Variants in FAM13A observed in about 807,000 individuals in gnomAD.
The protein encoded by FAM13A is family with sequence similarity 13 member A, also known as protein FAM13A.
A neutral mutation model predicts 129.6 loss-of-function variants in FAM13A; 76 were observed. The observed-to-expected ratio is 0.59, with a 90% CI of 0.49 to 0.71. The LOEUF is 0.71. Ranked by LOEUF, FAM13A falls within the 30% of genes least tolerant of loss-of-function variation. The pLI, the probability that FAM13A is intolerant of heterozygous loss-of-function variation, is 0.00. For missense variants in FAM13A, 1,108 were observed against 1,249.3 expected (o/e 0.89, Z 1.70); for synonymous variants, 443 against 449.9 (o/e 0.98, Z 0.20).
chr4:88,733,282 A>G (rs1738260170), intron 21 of FAM13A, among the ~76,000 whole-genome samples: 1 of 152,182 alleles, frequency 6.6e-6, no homozygotes, highest in African/African-American at 2.4e-5. Flanking sequence ...GCAACCAAAC[A>G]AAGCAAAACA....
rs1032952606 is a variant in FAM13A at position 89,045,543 on chromosome 4, C to T, written c.27+11395G>A. 1.9e-4 allele frequency among the ~76,000 whole-genome samples: 29 copies of T among 152,204 alleles called. 1 individual carries two copies. Among genetic ancestry groups the T allele is most frequent in the Admixed American group, 1.2e-3 (18 of 15,290 alleles). On this transcript the variant is annotated intron_variant, in intron 1 of 23. Transcript: ENST00000264344. ...ACATATTGAAAGGCACATCACAACCCGGAACAGTCCACACAAAGATATATT... is the reference window on the plus strand; with the variant it reads ...ACATATTGAAAGGCACATCACAACCTGGAACAGTCCACACAAAGATATATT...
intron 6 of FAM13A, among the ~76,000 whole-genome samples, chr4:88,890,914 T>A (rs1407982249): frequency 6.6e-6 from 1 of 152,100 alleles, no homozygotes; most frequent in Non-Finnish European, 1.5e-5. Flanking sequence ...CTAGAACACT[T>A]ATCAAAACAA....
intron 2 of FAM13A, among the ~76,000 whole-genome samples, chr4:89,025,250 T>G (rs1023006190): frequency 1.8e-4 from 10 of 56,752 alleles, no homozygotes; most frequent in African/African-American, 8.9e-4. Flanking sequence ...TCATTGTTTT[T>G]TTTTTTTTTT....
At chr4:88,858,288 A>G (rs1216139343) in intron 6 of FAM13A, among the ~76,000 whole-genome samples, 1 of 152,208 alleles carries the variant, frequency 6.6e-6, no homozygotes, top group Non-Finnish European at 1.5e-5. Flanking sequence ...TTACAAAGTT[A>G]TTTGCTCAAT....
chr4:88,890,968 T>C (rs978459368), intron 6 of FAM13A, among the ~76,000 whole-genome samples: 1 of 152,128 alleles, frequency 6.6e-6, no homozygotes, highest in African/African-American at 2.4e-5. Flanking sequence ...ATAAAAGAAA[T>C]TGATTATTAA....
At chr4:88,958,067 A>AG (rs199934967) in intron 4 of FAM13A, among the ~76,000 whole-genome samples, 1 of 151,578 alleles carries the variant, frequency 6.6e-6, no homozygotes, top group African/African-American at 2.4e-5. Flanking sequence ...CAAGCGTCAG[A>AG]GGGAAAAAAA....
At chr4:88,873,947 A>C (rs1461366700) in intron 6 of FAM13A, among the ~76,000 whole-genome samples, 1 of 152,224 alleles carries the variant, frequency 6.6e-6, no homozygotes, top group Non-Finnish European at 1.5e-5. Flanking sequence ...CACCAAGATC[A>C]AGTTGGCTTC....
At chr4:88,994,173 G>A (rs182498141) in intron 3 of FAM13A, among the ~76,000 whole-genome samples, 19 of 152,224 alleles carry the variant, frequency 1.2e-4, no homozygotes, top group South Asian at 6.2e-4. Context: ...GGATGTGAGC[G>A]TCCTCTACAT....
chr4:88,968,836 T>C (rs1759697035), intron 4 of FAM13A, among the ~76,000 whole-genome samples: 1 of 152,186 alleles, frequency 6.6e-6, no homozygotes, highest in African/African-American at 2.4e-5. Flanking sequence ...TCTCAAACTA[T>C]TATTCATTTT....
At chr4:89,006,987 G>A (rs1306466644) in intron 3 of FAM13A, among the ~76,000 whole-genome samples, 2 of 152,120 alleles carry the variant, frequency 1.3e-5, no homozygotes, top group Non-Finnish European at 2.9e-5. Flanking sequence ...GGATAGGGGG[G>A]CAGGATAGAC....
chr4:88,866,477 G>A (rs2150058316), intron 6 of FAM13A, among the ~76,000 whole-genome samples: 1 of 152,248 alleles, frequency 6.6e-6, no homozygotes, highest in East Asian at 1.9e-4. Flanking sequence ...ACTGTGCCCG[G>A]CACTTTTGCT....
chr4:89,025,293 T>C (rs1767819289), intron 2 of FAM13A, among the ~76,000 whole-genome samples: 1 of 128,268 alleles, frequency 7.8e-6, no homozygotes. Context: ...AGTCTCGCTC[T>C]GTCGCCCAGG....
At chr4:88,906,818 C>G (rs1226195623) in intron 5 of FAM13A, among the ~76,000 whole-genome samples, 2 of 152,268 alleles carry the variant, frequency 1.3e-5, no homozygotes, top group South Asian at 4.1e-4. Context: ...AAATATCAAC[C>G]AACAAACTTA....
intron 3 of FAM13A, among the ~76,000 whole-genome samples, chr4:88,999,556 A>G (rs930857705): frequency 5.9e-5 from 9 of 152,228 alleles, no homozygotes; most frequent in Non-Finnish European, 8.8e-5. Flanking sequence ...TACAGTAAAT[A>G]TATAGTTTCA....
chr4:88,948,935 G>T (rs1756437992), intron 4 of FAM13A, among the ~76,000 whole-genome samples: 2 of 152,170 alleles, frequency 1.3e-5, no homozygotes, highest in South Asian at 4.1e-4. Flanking sequence ...TATTAAACTA[G>T]ATCTTTCTAG....
At chr4:89,014,132 T>A (rs1208277668) in intron 3 of FAM13A, among the ~76,000 whole-genome samples, 3 of 152,270 alleles carry the variant, frequency 2.0e-5, no homozygotes, top group Non-Finnish European at 4.4e-5. Context: ...AATGAATGAA[T>A]ACAAATGATT....
intron 7 of FAM13A, among the ~76,000 whole-genome samples, chr4:88,841,538 A>G (rs538038272): frequency 6.6e-6 from 1 of 151,962 alleles, no homozygotes; most frequent in East Asian, 1.9e-4. Flanking sequence ...CCCATAGAAT[A>G]TGAGAAAATA....
At chr4:88,972,462 T>A (rs1179487411) in intron 4 of FAM13A, among the ~76,000 whole-genome samples, 1 of 152,036 alleles carries the variant, frequency 6.6e-6, no homozygotes, top group African/African-American at 2.4e-5. Context: ...CCACCACGCC[T>A]GGCTAATTTT....
chr4:89,005,185 TGTTA>T (rs1266454472), intron 3 of FAM13A, among the ~76,000 whole-genome samples: 1 of 152,208 alleles, frequency 6.6e-6, no homozygotes, highest in African/African-American at 2.4e-5. Context: ...TCTGTTTCGA[TGTTA>T]GTTTGCTAAG....
Sources: gnomAD v4.1 joint callset for allele counts (sites outside exome capture counted in the v4.1 genomes callset) on GRCh38, gnomAD v4.1.1 for gene constraint, MANE v1.5 for transcripts, NCBI Gene and HGNC (gene_info 2026-07-23, HGNC 2026-07-21) for gene names.